UBE2D2: variants seen among roughly 807,000 people sequenced by gnomAD.
UBE2D2 encodes ubiquitin conjugating enzyme E2 D2, also known as ubiquitin-conjugating enzyme E2 D2.
A neutral mutation model predicts 24.2 loss-of-function variants in UBE2D2; 2 were observed. The ratio of observed to expected loss-of-function variants is 0.08; its 90% CI spans 0.03 to 0.26. The LOEUF is 0.26. Ranked by LOEUF, UBE2D2 falls within the 10% of genes least tolerant of loss-of-function variation. The pLI, the probability that UBE2D2 is intolerant of heterozygous loss-of-function variation, is 1.00. For missense variants in UBE2D2, 44 were observed against 177.6 expected, an observed-to-expected ratio of 0.25 and a Z score of 4.28; for synonymous variants, 58 against 56.5, an observed-to-expected ratio of 1.03 and a Z score of -0.12.
At chr5:139,538,868 T>TAAAAAAAAAAAAAAAA (rs113802921) in intron 1 of UBE2D2, among the ~76,000 whole-genome samples, 1 of 122,092 alleles carries the variant, frequency 8.2e-6, no homozygotes. Flanking sequence ...AAAATCCATC[T>TAAAAAAAAAAAAAAAA]AAAAAAAAAA....
chr5:139,623,700 GT>G lies in UBE2D2; in HGVS notation c.398+248del, dbSNP rs1245683767. ...TCTACAAAAACTTTTTTTTTTGTTT[GT>G]TTTTTTTTGAGACAGGGTCTTACTC... On this transcript the variant is annotated intron_variant, in intron 6 of 6. Coordinates refer to ENST00000398733, the MANE Select transcript of UBE2D2 (RefSeq NM_003339.3). 2.4e-3 allele frequency: 826 copies of G among 340,736 alleles called. 3 individuals carry two copies. The highest frequency in any genetic ancestry group is 0.013 in the African/African-American group (612 of 47,100). The allele number at this position is 340,736 out of a possible 1,614,324, so 21.1% of individuals were successfully genotyped here. A position where few individuals can be genotyped will look rare whatever the true frequency, so the allele number is the denominator to read the frequency against.
chr5:139,545,675 C>A (rs1370229745), intron 1 of UBE2D2, among the ~76,000 whole-genome samples: 1 of 151,044 alleles, frequency 6.6e-6, no homozygotes, highest in Non-Finnish European at 1.5e-5. Context: ...CCACTCGCCT[C>A]GACCTCCCAA....
At position 139,628,255 on chromosome 5, in the gene UBE2D2, C is replaced by T. The variant is rs1754670933; in HGVS notation, c.*1454C>T. On this transcript the variant is annotated 3_prime_UTR_variant, in exon 7 of 7. Transcript: ENST00000398733. ...GAAACTTGTAAACAACTGTGTTTGCCAGAAACATCATTCATGTGAACTAGG... is the reference window on the plus strand; with the variant it reads ...GAAACTTGTAAACAACTGTGTTTGCTAGAAACATCATTCATGTGAACTAGG... The T allele has an allele frequency of 6.6e-6, 1 of 152,610 alleles. No homozygotes were observed. Among genetic ancestry groups the T allele is most frequent in the East Asian group, 1.9e-4 (1 of 5,200 alleles). The allele number at this position is 152,610 out of a possible 1,614,324, so 9.5% of individuals were successfully genotyped here.
chr5:139,528,805 G>A (rs146871589), intron 1 of UBE2D2, among the ~76,000 whole-genome samples: 3,652 of 152,194 alleles, frequency 0.024, 72 homozygotes, highest in Non-Finnish European at 0.031. Flanking sequence ...AGAAGTACTG[G>A]ACTCAGTTTA....
upstream of UBE2D2, among the ~76,000 whole-genome samples, chr5:139,559,370 G>A (rs1008181532): frequency 5.9e-5 from 9 of 151,294 alleles, no homozygotes; most frequent in South Asian, 1.9e-3. Flanking sequence ...AGCTTGCAGT[G>A]AGCCGAGATA....
chr5:139,552,314 C>T (rs932276234), intron 1 of UBE2D2, among the ~76,000 whole-genome samples: 1 of 151,942 alleles, frequency 6.6e-6, no homozygotes, highest in African/African-American at 2.4e-5. Flanking sequence ...AGGTGTGCAC[C>T]ACCACGCCTG....
At chr5:139,558,010 A>AC (rs1753004672), upstream of UBE2D2, among the ~76,000 whole-genome samples, 1 of 152,082 alleles carries the variant, frequency 6.6e-6, no homozygotes, top group African/African-American at 2.4e-5. Context: ...TGAAGTGGGA[A>AC]GATCACTTGA....
At chr5:139,609,571 G>A (rs1204252754) in intron 2 of UBE2D2, among the ~76,000 whole-genome samples, 4 of 150,884 alleles carry the variant, frequency 2.7e-5, no homozygotes, top group Non-Finnish European at 4.4e-5. Context: ...GGGTTTCTCC[G>A]TGTTAGTCAG....
chr5:139,539,529 G>T (rs1422194378), intron 1 of UBE2D2, among the ~76,000 whole-genome samples: 1 of 152,066 alleles, frequency 6.6e-6, no homozygotes, highest in Non-Finnish European at 1.5e-5. Flanking sequence ...TGATGGTTAC[G>T]GGAATCTGTA....
At chr5:139,580,435 G>A (rs1753574089) in intron 1 of UBE2D2, among the ~76,000 whole-genome samples, 1 of 152,136 alleles carries the variant, frequency 6.6e-6, no homozygotes, top group African/African-American at 2.4e-5. Flanking sequence ...AGCTGGGACA[G>A]CGTAACAGAG....
chr5:139,571,729 TTCTC>T (rs372007323), intron 1 of UBE2D2, among the ~76,000 whole-genome samples: 3 of 151,514 alleles, frequency 2.0e-5, no homozygotes, highest in Non-Finnish European at 2.9e-5. Context: ...TTCCATCCTT[TTCTC>T]TCTCTCTCTT....
chr5:139,541,765 A>G (rs948122943), intron 1 of UBE2D2, among the ~76,000 whole-genome samples: 4 of 151,544 alleles, frequency 2.6e-5, no homozygotes, highest in African/African-American at 9.7e-5. Context: ...ATAAAAATAA[A>G]AAGTCTCCGG....
intron 2 of UBE2D2, 71 bp downstream of exon 2, chr5:139,600,506 T>C: frequency 6.6e-7 from 1 of 1,515,904 alleles, no homozygotes. Flanking sequence ...ACAATTATGG[T>C]ATAGGGAAGA....
At chr5:139,588,212 C>T (rs1041422388) in intron 1 of UBE2D2, among the ~76,000 whole-genome samples, 3 of 151,944 alleles carry the variant, frequency 2.0e-5, no homozygotes, top group South Asian at 2.1e-4. Flanking sequence ...GTCTTACTGC[C>T]TCAGCCTCCA....
intron 1 of UBE2D2, among the ~76,000 whole-genome samples, chr5:139,566,032 T>G (rs931203479): frequency 5.7e-5 from 7 of 122,948 alleles, no homozygotes; most frequent in African/African-American, 1.8e-4. Flanking sequence ...TTTTTCTTTC[T>G]TTTTTTTTTT....
At chr5:139,564,257 G>T (rs1419095270) in intron 1 of UBE2D2, among the ~76,000 whole-genome samples, 1 of 152,054 alleles carries the variant, frequency 6.6e-6, no homozygotes, top group East Asian at 1.9e-4. Context: ...GGGTTCAAGT[G>T]ATTTTTCTGC....
chr5:139,561,534 A>ACGG lies in UBE2D2; in HGVS notation c.-245_-243dup, dbSNP rs1221261562. ...CTGATCCTGGGAGGAAGAGGCAGCTACGGCGGCGGCGGCGGTGGCGGCTAG... is the reference window on the plus strand; with the variant it reads ...CTGATCCTGGGAGGAAGAGGCAGCTACGGCGGCGGCGGCGGCGGTGGCGGCTAG... On this transcript the variant is annotated 5_prime_UTR_variant, in exon 1 of 7. Transcript: ENST00000398733. 2.4e-4 allele frequency: 100 copies of ACGG among 413,460 alleles called. No homozygotes were observed. Among genetic ancestry groups the ACGG allele is most frequent in the East Asian group, 2.0e-3 (54 of 27,210 alleles). The allele number at this position is 413,460 out of a possible 1,614,324, so 25.6% of individuals were successfully genotyped here.
intron 1 of UBE2D2, among the ~76,000 whole-genome samples, chr5:139,573,789 GA>G (rs962438134): frequency 6.6e-6 from 1 of 151,934 alleles, no homozygotes; most frequent in African/African-American, 2.4e-5. Context: ...CTAACACGGG[GA>G]AACCCCATCT....
At chr5:139,568,555 G>A (rs1163337553) in intron 1 of UBE2D2, among the ~76,000 whole-genome samples, 1 of 152,156 alleles carries the variant, frequency 6.6e-6, no homozygotes, top group Non-Finnish European at 1.5e-5. Flanking sequence ...CTATTCGGGA[G>A]ACTGAGGCAG....
Sources: allele counts gnomAD v4.1 joint callset (sites outside exome capture counted in the v4.1 genomes callset), GRCh38; gene constraint gnomAD v4.1.1; transcripts MANE v1.5; gene names NCBI Gene and HGNC (gene_info 2026-07-23, HGNC 2026-07-21).